NRG1: variants seen among roughly 807,000 people sequenced by gnomAD.
The protein encoded by NRG1 is neuregulin 1.
NRG1 carries 18 observed loss-of-function variants against 63.8 expected under a neutral mutation model. The ratio of observed to expected loss-of-function variants is 0.28; its 90% CI spans 0.19 to 0.42. NRG1 has a LOEUF of 0.42. Among genes scored for constraint, NRG1 ranks in the 10% least tolerant of loss-of-function variants. NRG1 has a pLI of 1.00. For synonymous variants in NRG1, 302 were observed against 301.3 expected, an observed-to-expected ratio of 1.00 and a Z score of -0.02; for missense variants, 762 against 814.7, an observed-to-expected ratio of 0.94 and a Z score of 0.79.
intron 1 of NRG1, among the ~76,000 whole-genome samples, chr8:32,478,712 G>T (rs949204292): frequency 6.6e-6 from 1 of 152,152 alleles, no homozygotes; most frequent in African/African-American, 2.4e-5. Context: ...AAAGGAGAAG[G>T]TAATCGAGAG....
intron 5 of NRG1, among the ~76,000 whole-genome samples, chr8:32,708,807 C>G (rs557034061): frequency 1.4e-4 from 22 of 152,170 alleles, no homozygotes; most frequent in African/African-American, 4.8e-4. Flanking sequence ...CATGAGGGTT[C>G]CTGCTCTATT....
chr8:31,974,898 C>T (rs1214628576), intron 1 of NRG1, among the ~76,000 whole-genome samples: 2 of 152,182 alleles, frequency 1.3e-5, no homozygotes, highest in African/African-American at 4.8e-5. Context: ...CCTGAGACAT[C>T]CAACTGCAGG....
At chr8:32,707,185 T>C (rs1187927209) in intron 5 of NRG1, among the ~76,000 whole-genome samples, 2 of 152,052 alleles carry the variant, frequency 1.3e-5, no homozygotes, top group African/African-American at 4.8e-5. Context: ...TTATTAGATA[T>C]AGCAGACTTG....
At chr8:32,059,198 TA>T (rs1176460521) in intron 1 of NRG1, among the ~76,000 whole-genome samples, 2 of 152,048 alleles carry the variant, frequency 1.3e-5, no homozygotes, top group African/African-American at 4.8e-5. Flanking sequence ...TTCTTTTATG[TA>T]TTCTATTTTC....
intron 1 of NRG1, among the ~76,000 whole-genome samples, chr8:32,239,444 T>C (rs1413613884): frequency 1.3e-5 from 2 of 151,780 alleles, no homozygotes; most frequent in Admixed American, 1.3e-4. Context: ...GAGAAAATGA[T>C]GAGGACCTAA....
intron 6 of NRG1, chr8:32,728,315 G>GTTTTT (rs972293187): frequency 2.0e-6 from 2 of 983,122 alleles, no homozygotes; most frequent in African/African-American, 3.5e-5. Context: ...TTTTGTTTTT[G>GTTTTT]TTTTTTGCCA....
intron 1 of NRG1, among the ~76,000 whole-genome samples, chr8:31,643,026 A>C (rs1398236458): frequency 6.6e-6 from 1 of 151,990 alleles, no homozygotes; most frequent in Admixed American, 6.6e-5. Context: ...GAATGTGTGA[A>C]TTCATCCAGT....
At chr8:31,689,951 G>C (rs12056941) in intron 1 of NRG1, among the ~76,000 whole-genome samples, 1 of 152,024 alleles carries the variant, frequency 6.6e-6, no homozygotes, top group Non-Finnish European at 1.5e-5. Context: ...TGTGGTTTGG[G>C]TGTGTCCCCA....
chr8:32,720,683 T>C (rs1466706924), intron 5 of NRG1, among the ~76,000 whole-genome samples: 1 of 152,170 alleles, frequency 6.6e-6, no homozygotes, highest in African/African-American at 2.4e-5. Flanking sequence ...GAAGATACTT[T>C]TCTTCTTCTT....
At chr8:32,525,835 A>G (rs1287046801) in intron 1 of NRG1, among the ~76,000 whole-genome samples, 1 of 152,094 alleles carries the variant, frequency 6.6e-6, no homozygotes, top group Admixed American at 6.5e-5. Flanking sequence ...TCTTTATAGG[A>G]GCATAGATTT....
intron 1 of NRG1, among the ~76,000 whole-genome samples, chr8:32,056,882 G>A (rs1330706918): frequency 6.6e-6 from 1 of 152,116 alleles, no homozygotes; most frequent in Non-Finnish European, 1.5e-5. Flanking sequence ...TTTTGGAGAT[G>A]GCAAAGAGAT....
intron 1 of NRG1, among the ~76,000 whole-genome samples, chr8:32,005,826 C>T (rs1993814): frequency 0.54 from 82,335 of 151,788 alleles, 26,164 homozygotes; most frequent in Non-Finnish European, 0.71. Context: ...ATATCAGTTC[C>T]ATTTTGTTGT....
rs374274570 is a variant in NRG1 at position 31,641,688 on chromosome 8, C to A, written c.37+2257C>A. On this transcript the variant is annotated intron_variant, in intron 1 of 10. Coordinates refer to the NRG1 transcript ENST00000519301. ...TTACTATATAATCACTAACACATAG[C>A]GGGGTTTCTTCTCAAACAGTAAATT... 5.3e-5 allele frequency: 8 copies of A among 152,068 alleles called. 1 individual carries two copies. The highest frequency in any genetic ancestry group is 4.6e-4 in the Admixed American group (7 of 15,268). The allele number at this position is 152,068 out of a possible 1,614,324, so 9.4% of individuals were successfully genotyped here.
chr8:32,758,487 G>T (rs1020867928), intron 9 of NRG1, among the ~76,000 whole-genome samples: 1 of 144,488 alleles, frequency 6.9e-6, no homozygotes, highest in Admixed American at 7.1e-5. Flanking sequence ...TGAGGCAGGA[G>T]AATTGCTTGA....
At chr8:32,008,339 A>G (rs1385057951) in intron 1 of NRG1, among the ~76,000 whole-genome samples, 1 of 152,034 alleles carries the variant, frequency 6.6e-6, no homozygotes, top group African/African-American at 2.4e-5. Flanking sequence ...ACACATGTAT[A>G]ACTATTCCAT....
At chr8:31,819,913 A>G (rs79225998) in intron 1 of NRG1, among the ~76,000 whole-genome samples, 1,685 of 152,310 alleles carry the variant, frequency 0.011, 26 homozygotes, top group African/African-American at 0.038. Context: ...AGTTCGACTC[A>G]TTATTCAAAT....
At chr8:31,702,749 CTTTATTTTTTAA>C (rs1810754168) in intron 1 of NRG1, among the ~76,000 whole-genome samples, 1 of 152,082 alleles carries the variant, frequency 6.6e-6, no homozygotes, top group Non-Finnish European at 1.5e-5. Context: ...ACAGCTATTA[CTTTATTTTTTAA>C]TTTATTTTTA....
chr8:32,616,013 C>A (rs1847294593), intron 4 of NRG1, among the ~76,000 whole-genome samples: 1 of 152,050 alleles, frequency 6.6e-6, no homozygotes, highest in South Asian at 2.1e-4. Context: ...TGGAACTTAT[C>A]TTGGGAAATT....
rs145126890 is a variant in NRG1, at chr8:31,652,266, G to A, written c.37+12835G>A. Among the ~76,000 whole-genome samples the A allele has an allele frequency of 7.9e-5, 12 of 152,190 alleles. No individual in the cohort carries two copies. In the East Asian group the frequency reaches 2.1e-3, roughly 27 times the overall value. ...CCTTAACAAATCTCAGATTCGTCCC[G>A]TCTTCCCTCACTTCAACTTCTCTGT... is the stretch of plus-strand genomic sequence containing the variant. On this transcript the variant is annotated intron_variant, in intron 1 of 10. Coordinates refer to the NRG1 transcript ENST00000519301.
Sources: allele counts gnomAD v4.1 joint callset (sites outside exome capture counted in the v4.1 genomes callset), GRCh38; gene constraint gnomAD v4.1.1; transcripts MANE v1.5; gene names NCBI Gene and HGNC (gene_info 2026-07-23, HGNC 2026-07-21).